C5orf46: variants seen among roughly 807,000 people sequenced by gnomAD.
C5orf46 encodes uncharacterized protein C5orf46.
In C5orf46, 9 loss-of-function variants were observed where a neutral mutation model predicts 8.9. The ratio of observed to expected loss-of-function variants is 1.01; its 90% CI spans 0.61 to 1.76. The LOEUF (loss-of-function observed/expected upper bound fraction) is 1.76. Among genes scored for constraint, C5orf46 ranks in the 40% most tolerant of loss-of-function variants. The pLI, the probability that C5orf46 is intolerant of heterozygous loss-of-function variation, is 0.00. For synonymous variants in C5orf46, 47 were observed against 41.4 expected (o/e 1.14, Z -0.52); for missense variants, 98 against 107.8 (o/e 0.91, Z 0.40).
At chr5:147,890,934 G>A (rs1392859023), downstream of C5orf46, among the ~76,000 whole-genome samples, 1 of 152,170 alleles carries the variant, frequency 6.6e-6, no homozygotes, top group Non-Finnish European at 1.5e-5. Context: ...TATTTAAATA[G>A]AATTACTCTA....
At chr5:147,901,389 A>G (rs1166695814) in intron 2 of C5orf46, 1 of 178,806 alleles carries the variant, frequency 5.6e-6, no homozygotes. Flanking sequence ...ATTAAAAAGA[A>G]AAAAAAAAAA....
intron 2 of C5orf46, chr5:147,886,798 G>T (rs1029369503): frequency 1.3e-5 from 2 of 151,814 alleles, no homozygotes; most frequent in Non-Finnish European, 2.9e-5. Context: ...GTGCTATAGT[G>T]AGCATGCATA....
chr5:147,904,211 G>C (rs1419118612), intron 1 of C5orf46, among the ~76,000 whole-genome samples: 2 of 152,202 alleles, frequency 1.3e-5, no homozygotes, highest in African/African-American at 4.8e-5. Flanking sequence ...TCATGTGTAA[G>C]GTGCCTATCG....
intron 1 of C5orf46, 31 bp from the exon 2 acceptor site, chr5:147,901,804 C>T (rs751883509): frequency 2.1e-5 from 34 of 1,603,690 alleles, no homozygotes; most frequent in Non-Finnish European, 2.8e-5. Flanking sequence ...AGAGGTGATT[C>T]TCAGCAACAA....
intron 2 of C5orf46, chr5:147,887,423 T>A (rs1757439187): frequency 6.6e-6 from 1 of 152,176 alleles, no homozygotes; most frequent in African/African-American, 2.4e-5. Context: ...GCATTCTTTG[T>A]TCTGTCCTTA....
At chr5:147,900,860 G>A (rs1035426648) in intron 2 of C5orf46, among the ~76,000 whole-genome samples, 4 of 152,254 alleles carry the variant, frequency 2.6e-5, no homozygotes, top group Admixed American at 6.5e-5. Context: ...CTGAAATTTG[G>A]GAGATTAATA....
At chr5:147,886,518 T>A (rs926213809) in intron 2 of C5orf46, 1 of 151,102 alleles carries the variant, frequency 6.6e-6, no homozygotes, top group African/African-American at 2.4e-5. Flanking sequence ...CAACTATAAT[T>A]ATGTATAACT....
rs978079823 is a variant in C5orf46 at position 147,901,675 on chromosome 5, T to A, written c.169A>T (p.Ile57Phe). ...AGGATGAACTCGACTGCATTCTCAATGATCTCTGTGCCCAGGAGGCTTAGG... is the reference window on the plus strand; with the variant it reads ...AGGATGAACTCGACTGCATTCTCAAAGATCTCTGTGCCCAGGAGGCTTAGG... ...KFLSLLGTEI[I>F]ENAVEFILRS... Residue 57 changes from isoleucine to phenylalanine, a missense_variant, in exon 2 of 4, where the codon ATT becomes TTT. Coordinates refer to ENST00000318315, the MANE Select transcript of C5orf46 (RefSeq NM_206966.3). The A allele has an allele frequency of 6.2e-7, 1 of 1,614,102 alleles. No homozygotes were observed. The highest frequency in any genetic ancestry group is 1.7e-5 in the Admixed American group (1 of 60,024).
At chr5:147,891,390 G>A (rs1757501142), downstream of C5orf46, among the ~76,000 whole-genome samples, 1 of 152,076 alleles carries the variant, frequency 6.6e-6, no homozygotes, top group Non-Finnish European at 1.5e-5. Context: ...AGGGGAGGAA[G>A]AGGAAACACA....
intron 1 of C5orf46, among the ~76,000 whole-genome samples, chr5:147,902,381 A>T (rs966964936): frequency 6.6e-6 from 1 of 152,114 alleles, no homozygotes; most frequent in Non-Finnish European, 1.5e-5. Flanking sequence ...AGCCCAGAAG[A>T]TAGGGGCTGT....
intron 1 of C5orf46, among the ~76,000 whole-genome samples, chr5:147,903,271 A>G (rs1312050227): frequency 2.0e-5 from 3 of 152,232 alleles, no homozygotes; most frequent in Non-Finnish European, 4.4e-5. Context: ...CAGGATGCCT[A>G]GTTAAATTTA....
downstream of C5orf46, among the ~76,000 whole-genome samples, chr5:147,890,113 T>C (rs574105863): frequency 4.6e-5 from 7 of 152,310 alleles, no homozygotes; most frequent in African/African-American, 1.7e-4. Context: ...GCATGAATGG[T>C]TCTTTGTGCT....
At chr5:147,890,636 C>A (rs1346524098), downstream of C5orf46, among the ~76,000 whole-genome samples, 1 of 151,862 alleles carries the variant, frequency 6.6e-6, no homozygotes, top group African/African-American at 2.4e-5. Flanking sequence ...TAGTACAAGA[C>A]CTTAAGAAAT....
At chr5:147,904,753 A>C (rs1757723762) in intron 1 of C5orf46, among the ~76,000 whole-genome samples, 4 of 151,938 alleles carry the variant, frequency 2.6e-5, no homozygotes. Flanking sequence ...GTAAACTTGC[A>C]CACAGTGCTT....
downstream of C5orf46, among the ~76,000 whole-genome samples, chr5:147,889,411 T>G (rs1469985837): frequency 2.0e-5 from 3 of 152,180 alleles, no homozygotes; most frequent in Non-Finnish European, 4.4e-5. Flanking sequence ...TTGTTAACTT[T>G]TAGAAGTATA....
chr5:147,906,469 G>A lies in C5orf46; in HGVS notation c.33C>T (p.Val11=). 6.2e-7 allele frequency: 1 copy of A among 1,611,734 alleles called. No individual in the cohort carries two copies. Among genetic ancestry groups the A allele is most frequent in the Non-Finnish European group, 8.5e-7 (1 of 1,178,694 alleles). The change falls in exon 1 of 4, where the codon GTC becomes GTT. Residue 11 remains valine, a synonymous_variant. Coordinates refer to ENST00000318315, the MANE Select transcript of C5orf46 (RefSeq NM_206966.3). MAVSVLRLTV[V]LGLLVLFLTC... The stretch of plus-strand genomic sequence containing the variant: ...TCAGGAATAAGACAAGCAGTCCCAG[G>A]ACAACTGTCAGGCGAAGTACTGAGA...
chr5:147,904,140 C>A (rs1422955400), intron 1 of C5orf46, among the ~76,000 whole-genome samples: 1 of 151,540 alleles, frequency 6.6e-6, no homozygotes, highest in African/African-American at 2.4e-5. Context: ...AAGTGCTGGG[C>A]AACCCAGGTA....
At chr5:147,893,560 G>A (rs6580504) in intron 3 of C5orf46, among the ~76,000 whole-genome samples, 20,150 of 150,874 alleles carry the variant, frequency 0.13, 3,548 homozygotes, top group African/African-American at 0.41. Flanking sequence ...CTGGGATTAC[G>A]AGCCACAGTT....
At chr5:147,904,637 G>C (rs780658230) in intron 1 of C5orf46, among the ~76,000 whole-genome samples, 38 of 152,156 alleles carry the variant, frequency 2.5e-4, no homozygotes, top group African/African-American at 8.9e-4. Context: ...CTTGGCCTTA[G>C]CTTGTGAACC....
Sources: allele counts gnomAD v4.1 joint callset (sites outside exome capture counted in the v4.1 genomes callset), GRCh38; gene constraint gnomAD v4.1.1; transcripts MANE v1.5; gene names NCBI Gene and HGNC (gene_info 2026-07-23, HGNC 2026-07-21).